The following EYS variants were observed in gnomAD, a reference collection of about 807,000 sequenced individuals.
The protein encoded by EYS is protein eyes shut homolog.
A neutral mutation model predicts 282.1 loss-of-function variants in EYS; 250 were observed. The observed-to-expected ratio is 0.89, with a 90% CI of 0.80 to 0.98. The LOEUF (loss-of-function observed/expected upper bound fraction) is 0.98. Among genes scored for constraint, EYS ranks in the 50% least tolerant of loss-of-function variants. The probability of loss-of-function intolerance (pLI) is 0.00; values close to 1 mark genes in which losing one functional copy is unlikely to be tolerated. For synonymous variants in EYS, 1,355 were observed against 1,282.9 expected (o/e 1.06, Z -1.20); for missense variants, 4,016 against 3,709.0 (o/e 1.08, Z -2.15).
At chr6:64,657,011 G>A (rs1768775257) in intron 22 of EYS, among the ~76,000 whole-genome samples, 1 of 152,076 alleles carries the variant, frequency 6.6e-6, no homozygotes. Context: ...AGGTCTCTAA[G>A]GACTTGCTTT....
At position 65,066,062 on chromosome 6, in the gene EYS, A is replaced by G. The variant is rs564654587; in HGVS notation, c.2024-8335T>C. Among the ~76,000 whole-genome samples, 8 of 152,308 alleles carry G rather than the reference A, an allele frequency of 5.3e-5. No homozygotes were observed. The East Asian group carries it at 1.2e-3, about 22-fold the overall frequency. On this transcript the variant is annotated intron_variant, in intron 12 of 42. Transcript: ENST00000503581. ...AACCACAAAAATAAAGAGGCTAGGG[A>G]CATCATTGCTTGTTGATGGGCATGG...
At chr6:64,339,680 G>A (rs573456886) in intron 29 of EYS, among the ~76,000 whole-genome samples, 80 of 151,826 alleles carry the variant, frequency 5.3e-4, no homozygotes, top group Admixed American at 3.2e-3. Flanking sequence ...ACTTGCACAC[G>A]CGTGTTTACT....
Position 64,716,667 on chromosome 6 carries a change from C to T in EYS, c.3444-90422G>A, listed in dbSNP as rs187540945. On this transcript the variant is annotated intron_variant, in intron 22 of 42. Transcript: ENST00000503581. Reference sequence around the variant, plus strand: ...TCACCAATAGTGAAGAGCTTCTTGGCTTTAGCAATGCAGTTAGCAACTAAG... The same window carrying T: ...TCACCAATAGTGAAGAGCTTCTTGGTTTTAGCAATGCAGTTAGCAACTAAG... Among the ~76,000 whole-genome samples the T allele has an allele frequency of 8.5e-5, 13 of 152,304 alleles. No homozygotes were observed. The East Asian group carries it at 2.3e-3, about 27-fold the overall frequency.
At chr6:65,643,899 G>A (rs563061520) in intron 1 of EYS, among the ~76,000 whole-genome samples, 8 of 152,144 alleles carry the variant, frequency 5.3e-5, no homozygotes, top group East Asian at 3.9e-4. Flanking sequence ...GGGAGCACGC[G>A]GTGGGACAAA....
At chr6:65,307,989 ATTTG>A (rs1769058653) in intron 11 of EYS, among the ~76,000 whole-genome samples, 1 of 151,018 alleles carries the variant, frequency 6.6e-6, no homozygotes, top group African/African-American at 2.4e-5. Context: ...TTATTTATTT[ATTTG>A]AGATGATGTC....
At chr6:64,761,380 G>A (rs573466938) in intron 22 of EYS, among the ~76,000 whole-genome samples, 5 of 152,222 alleles carry the variant, frequency 3.3e-5, no homozygotes, top group South Asian at 2.1e-4. Context: ...TAAGACCTAC[G>A]TCCTCACAAG....
intron 1 of EYS, among the ~76,000 whole-genome samples, chr6:65,688,837 C>G (rs1188461350): frequency 1.3e-5 from 2 of 151,802 alleles, no homozygotes; most frequent in Non-Finnish European, 2.9e-5. Flanking sequence ...CCATCTCACA[C>G]CAGTTAGAAT....
chr6:64,373,563 T>C (rs1007907976), intron 29 of EYS, among the ~76,000 whole-genome samples: 1 of 151,690 alleles, frequency 6.6e-6, no homozygotes, highest in African/African-American at 2.4e-5. Context: ...CAAGGAGAGG[T>C]TGGTGTGGGT....
intron 22 of EYS, among the ~76,000 whole-genome samples, chr6:64,699,763 T>C (rs1046076566): frequency 4.0e-5 from 6 of 151,832 alleles, no homozygotes; most frequent in African/African-American, 1.5e-4. Context: ...TTCTATCAAA[T>C]CTACAAAGAA....
chr6:64,312,669 G>T (rs564490012), intron 29 of EYS, among the ~76,000 whole-genome samples: 2 of 152,312 alleles, frequency 1.3e-5, no homozygotes, highest in Middle Eastern at 3.4e-3. Flanking sequence ...CTGGGACGAA[G>T]CTTCCAGAGG....
Position 64,317,193 on chromosome 6 carries a change from G to T in EYS, c.6079-10111C>A, listed in dbSNP as rs1234835038. On this transcript the variant is annotated intron_variant, in intron 29 of 42. Coordinates refer to ENST00000503581, the MANE Select transcript of EYS (RefSeq NM_001142800.2). ...TAAAACACCAAAAGCAATGGCAACA[G>T]AAGCCAAAATAGACAAATGACATCT... is the stretch of plus-strand genomic sequence containing the variant. Among the ~76,000 whole-genome samples the T allele has an allele frequency of 2.6e-5, 4 of 151,888 alleles. No individual in the cohort carries two copies. In the East Asian group the frequency reaches 7.7e-4, roughly 29 times the overall value.
intron 30 of EYS, among the ~76,000 whole-genome samples, chr6:64,300,217 G>T (rs1175676789): frequency 6.6e-6 from 1 of 152,152 alleles, no homozygotes; most frequent in East Asian, 1.9e-4. Flanking sequence ...AGTTTGTGAT[G>T]GGTGGAAGAA....
intron 12 of EYS, among the ~76,000 whole-genome samples, chr6:65,268,033 G>T (rs1767804496): frequency 6.6e-6 from 1 of 151,698 alleles, no homozygotes; most frequent in African/African-American, 2.4e-5. Flanking sequence ...CAGGATAATT[G>T]CTAATGTAAT....
intron 31 of EYS, among the ~76,000 whole-genome samples, chr6:64,201,909 G>A (rs1302250419): frequency 6.6e-6 from 1 of 152,080 alleles, no homozygotes; most frequent in Non-Finnish European, 1.5e-5. Context: ...AATATTTTTG[G>A]TCACCACAAC....
Position 65,207,825 on chromosome 6 carries a change from G to A in EYS, c.2023+88038C>T, listed in dbSNP as rs145001581. 2.9e-3 allele frequency among the ~76,000 whole-genome samples: 440 copies of A among 151,602 alleles called. 4 individuals carry two copies. The highest frequency in any genetic ancestry group is 9.9e-3 in the African/African-American group (410 of 41,498). ...GTGATGGAAAAATTGGCTAGTCTACGTATAACAATGAAACTGGACTATCAC... is the reference window on the plus strand; with the variant it reads ...GTGATGGAAAAATTGGCTAGTCTACATATAACAATGAAACTGGACTATCAC... On this transcript the variant is annotated intron_variant, in intron 12 of 42. Transcript: ENST00000503581.
intron 29 of EYS, among the ~76,000 whole-genome samples, chr6:64,327,492 T>C (rs1770471086): frequency 6.6e-6 from 1 of 152,148 alleles, no homozygotes; most frequent in Admixed American, 6.6e-5. Flanking sequence ...GGTAGCTGGC[T>C]GAAGGGACAA....
Position 64,439,242 on chromosome 6 carries a change from G to C in EYS, c.5755C>G (p.Leu1919Val). ...GAGTCTTGCTTGACATACAGCAGAA[G>C]TCCATAGGAGCTGAAGGTCTGAAAT... The part of the protein sequence containing the change: ...LEFQTFSSYG[L>V]LLYVKQDSNL... Residue 1919 changes from leucine to valine, a missense_variant, in exon 27 of 43, where the codon CTT (leucine) becomes GTT (valine). By Grantham distance (32) the Leu-to-Val change is conservative. Transcript: ENST00000503581. 6.6e-7 allele frequency: 1 copy of C among 1,512,816 alleles called. No homozygotes were observed. The highest frequency in any genetic ancestry group is 8.8e-7 in the Non-Finnish European group (1 of 1,130,540). The allele number at this position is 1,512,816 out of a possible 1,614,324, so 93.7% of individuals were successfully genotyped here.
At chr6:64,585,524 AT>A (rs1238505147) in intron 26 of EYS, among the ~76,000 whole-genome samples, 2 of 152,124 alleles carry the variant, frequency 1.3e-5, no homozygotes, top group African/African-American at 4.8e-5. Flanking sequence ...CTATGTGGTT[AT>A]TCCTAACACA....
chr6:64,149,547 C>A (rs76300479), intron 31 of EYS, among the ~76,000 whole-genome samples: 1 of 152,112 alleles, frequency 6.6e-6, no homozygotes, highest in Non-Finnish European at 1.5e-5. Context: ...AATAAAGATG[C>A]CAAATAGCAG....
Sources: gnomAD v4.1 joint callset for allele counts (sites outside exome capture counted in the v4.1 genomes callset) on GRCh38, gnomAD v4.1.1 for gene constraint, MANE v1.5 for transcripts, NCBI Gene and HGNC (gene_info 2026-07-23, HGNC 2026-07-21) for gene names.